Variants in DEFA1 observed in about 807,000 individuals in gnomAD.
DEFA1 encodes the protein defensin alpha 1, also known as neutrophil defensin 1.
At chr8:6,979,859 C>T (rs371116923) in intron 1 of DEFA1, among the ~76,000 whole-genome samples, 154 bp downstream of exon 1, 4 of 128,942 alleles carry the variant, frequency 3.1e-5, no homozygotes, top group East Asian at 5.3e-4. Flanking sequence ...TGGAAGCCAT[C>T]GTCCCCAGCA....
intron 1 of DEFA1, 150 bp downstream of exon 1, chr8:6,979,863 C>A (rs1222876919): frequency 1.6e-5 from 2 of 125,906 alleles, no homozygotes; most frequent in East Asian, 5.4e-4. Flanking sequence ...AGCCATCGTC[C>A]CCAGCAGTCA....
chr8:6,979,691 A>G (rs1301112223), intron 1 of DEFA1, among the ~76,000 whole-genome samples: 9 of 102,716 alleles, frequency 8.8e-5, no homozygotes, highest in African/African-American at 3.4e-4. Flanking sequence ...AATAGCAAAA[A>G]TCAAACAACC....
At chr8:6,979,711 A>G (rs2472240) in intron 1 of DEFA1, among the ~76,000 whole-genome samples, 53,840 of 106,020 alleles carry the variant, frequency 0.51, 13,392 homozygotes, top group Non-Finnish European at 0.54. Flanking sequence ...CTGATTGAAA[A>G]ACAGACCAAG....
At chr8:6,979,732 G>C (rs1188499019) in intron 1 of DEFA1, among the ~76,000 whole-genome samples, 1 of 132,150 alleles carries the variant, frequency 7.6e-6, no homozygotes, top group East Asian at 2.5e-4. Flanking sequence ...GACCTAAATA[G>C]GTTTCTCTCA....
intron 1 of DEFA1, among the ~76,000 whole-genome samples, chr8:6,979,704 A>G (rs1810322100): frequency 9.1e-6 from 1 of 110,056 alleles, no homozygotes; most frequent in East Asian, 3.2e-4. Context: ...AAACAACCTG[A>G]TTGAAAAACA....
rs2117425004 is a variant in DEFA1, at chr8:6,979,753, CCAAAGACCTGTGATAGTCTCTACTGGA to C, written c.-13+233_-13+259del. Among the ~76,000 whole-genome samples, 3 of 138,192 alleles carry C rather than the reference CCAAAGACCTGTGATAGTCTCTACTGGA, an allele frequency of 2.2e-5. No individual in the cohort carries two copies. In the South Asian group the frequency reaches 7.3e-4, roughly 34 times the overall value. The allele number at this position is 138,192 out of a possible 152,430, so 90.7% of individuals were successfully genotyped here. On this transcript the variant is annotated intron_variant, in intron 1 of 2. Coordinates refer to ENST00000382692, the MANE Select transcript of DEFA1 (RefSeq NM_004084.4). ...AATAGGTTTCTCTCAAAAGAATGTT[CCAAAGACCTGTGATAGTCTCTACTGGA>C]CATGTCAACCAGGACATGTGACATG...
At position 6,979,746 on chromosome 8, in the gene DEFA1, G is replaced by C. The variant is rs576693378; in HGVS notation, c.-13+267C>G. ...GGACCTAAATAGGTTTCTCTCAAAA[G>C]AATGTTCCAAAGACCTGTGATAGTC... On this transcript the variant is annotated intron_variant, in intron 1 of 2. Transcript: ENST00000382692. Among the ~76,000 whole-genome samples the C allele has an allele frequency of 9.4e-3, 1,285 of 136,378 alleles. 15 individuals are homozygous for C. Among genetic ancestry groups the C allele is most frequent in the African/African-American group, 0.029 (1,061 of 36,708 alleles). The allele number at this position is 136,378 out of a possible 152,430, so 89.5% of individuals were successfully genotyped here. A position where few individuals can be genotyped will look rare whatever the true frequency, so the allele number is the denominator to read the frequency against.
At chr8:6,979,507 G>T (rs1256761562) in intron 1 of DEFA1, among the ~76,000 whole-genome samples, 1 of 39,366 alleles carries the variant, frequency 2.5e-5, no homozygotes, top group African/African-American at 1.1e-4. Flanking sequence ...CAAAGGCACA[G>T]GCAATAAAAG....
intron 1 of DEFA1, among the ~76,000 whole-genome samples, chr8:6,979,808 T>A (rs1180620477): frequency 7.1e-6 from 1 of 141,102 alleles, no homozygotes; most frequent in Non-Finnish European, 1.5e-5. Context: ...GTGACATGTG[T>A]GTTTAGAAGG....
In DEFA1 at chr8:6,980,056, G is replaced by C. The variant is rs1292589411; in HGVS notation, c.-56C>G. On this transcript the variant is annotated 5_prime_UTR_variant, in exon 1 of 3. Coordinates refer to ENST00000382692, the MANE Select transcript of DEFA1 (RefSeq NM_004084.4). The stretch of plus-strand genomic sequence containing the variant: ...GGGTGACCAGAGAGGGCAGACAGCA[G>C]TCCTCTGTCCCAGGTCTTCTATAGC... 2 of 85,238 alleles carry C rather than the reference G, an allele frequency of 2.3e-5. No individual in the cohort carries two copies. Among genetic ancestry groups the C allele is most frequent in the Non-Finnish European group, 4.6e-5 (2 of 43,604 alleles). The allele number at this position is 85,238 out of a possible 1,614,324, so 5.3% of individuals were successfully genotyped here. A position where few individuals can be genotyped will look rare whatever the true frequency, so the allele number is the denominator to read the frequency against.
chr8:6,979,913 G>A (rs1323133623), intron 1 of DEFA1, 100 bp downstream of exon 1: 1 of 25,506 alleles, frequency 3.9e-5, no homozygotes, highest in Non-Finnish European at 6.8e-5. Context: ...GGATTCGCCC[G>A]CTGGTTCCCT....
chr8:6,979,806 T>G (rs1406300751), intron 1 of DEFA1, among the ~76,000 whole-genome samples: 2 of 141,068 alleles, frequency 1.4e-5, no homozygotes, highest in African/African-American at 5.2e-5. Flanking sequence ...ATGTGACATG[T>G]GTGTTTAGAA....
At chr8:6,979,836 C>T (rs1277747543) in intron 1 of DEFA1, among the ~76,000 whole-genome samples, 177 bp downstream of exon 1, 1 of 137,138 alleles carries the variant, frequency 7.3e-6, no homozygotes, top group Non-Finnish European at 1.6e-5. Flanking sequence ...TTGAGTTTCT[C>T]TATTAAGTTA....
chr8:6,979,509 C>T (rs1810317100), intron 1 of DEFA1, among the ~76,000 whole-genome samples: 1 of 39,634 alleles, frequency 2.5e-5, no homozygotes, highest in African/African-American at 1.1e-4. Context: ...AAGGCACAGG[C>T]AATAAAAGGG....
At chr8:6,979,739 C>T (rs1434206370) in intron 1 of DEFA1, among the ~76,000 whole-genome samples, 1 of 134,992 alleles carries the variant, frequency 7.4e-6, no homozygotes, top group Non-Finnish European at 1.6e-5. Context: ...ATAGGTTTCT[C>T]TCAAAAGAAT....
rs868060591 is a variant in DEFA1 at position 6,979,716 on chromosome 8, A to C, written c.-13+297T>G. Among the ~76,000 whole-genome samples, 235 of 125,624 alleles carry C rather than the reference A, an allele frequency of 1.9e-3. 11 individuals are homozygous for C. Among genetic ancestry groups the C allele is most frequent in the Middle Eastern group, 8.7e-3 (2 of 230 alleles). 82.4% of individuals were successfully genotyped at this position (125,624 alleles called of 152,430 possible). A position where few individuals can be genotyped will look rare whatever the true frequency, so the allele number is the denominator to read the frequency against. On this transcript the variant is annotated intron_variant, in intron 1 of 2. Coordinates refer to ENST00000382692, the MANE Select transcript of DEFA1 (RefSeq NM_004084.4). ...ATCAAACAACCTGATTGAAAAACAG[A>C]CCAAGGACCTAAATAGGTTTCTCTC...
chr8:6,979,804 T>C (rs1323285444), intron 1 of DEFA1, among the ~76,000 whole-genome samples: 1 of 141,020 alleles, frequency 7.1e-6, no homozygotes, highest in Non-Finnish European at 1.5e-5. Flanking sequence ...ACATGTGACA[T>C]GTGTGTTTAG....
chr8:6,979,711 A>C (rs2472240), intron 1 of DEFA1, among the ~76,000 whole-genome samples: 1 of 111,624 alleles, frequency 9.0e-6, no homozygotes, highest in African/African-American at 3.4e-5. Flanking sequence ...CTGATTGAAA[A>C]ACAGACCAAG....
chr8:6,979,980 C>T (rs1342212266), intron 1 of DEFA1, 33 bp downstream of exon 1: 1 of 43,480 alleles, frequency 2.3e-5, no homozygotes, highest in Non-Finnish European at 4.3e-5. Context: ...ATAATGAAAA[C>T]TCAGTGTAAA....
Sources: allele counts gnomAD v4.1 joint callset (sites outside exome capture counted in the v4.1 genomes callset), GRCh38; gene constraint gnomAD v4.1.1; transcripts MANE v1.5; gene names NCBI Gene and HGNC (gene_info 2026-07-23, HGNC 2026-07-21).